FHIT: variants seen among roughly 807,000 people sequenced by gnomAD.
FHIT encodes fragile histidine triad diadenosine triphosphatase.
In FHIT, 19 loss-of-function variants were observed where a neutral mutation model predicts 17.9. That is an observed-to-expected ratio of 1.06 (90% confidence interval 0.74 to 1.56). The LOEUF is 1.56. Ranked by LOEUF, FHIT falls within the 40% of genes most tolerant of loss-of-function variation. FHIT has a pLI of 0.00. For synonymous variants in FHIT, 81 were observed against 69.7 expected (o/e 1.16, Z -0.81); for missense variants, 248 against 189.2 (o/e 1.31, Z -1.82).
chr3:60,691,235 CT>C (rs1244370690), intron 4 of FHIT, among the ~76,000 whole-genome samples: 1 of 152,042 alleles, frequency 6.6e-6, no homozygotes, highest in African/African-American at 2.4e-5. Flanking sequence ...GTGATTCTTA[CT>C]TTGGTTCTGG....
chr3:60,870,030 C>T (rs7653005), intron 3 of FHIT, among the ~76,000 whole-genome samples: 1,563 of 152,152 alleles, frequency 0.01, 24 homozygotes, highest in African/African-American at 0.035. Context: ...ATTGTGGGTA[C>T]CTAGAAATAA....
intron 5 of FHIT, among the ~76,000 whole-genome samples, chr3:60,238,642 C>A (rs1704945673): frequency 6.6e-6 from 1 of 152,014 alleles, no homozygotes; most frequent in Admixed American, 6.5e-5. Context: ...ATAGAATGAT[C>A]GATTCATTTT....
At chr3:60,173,366 G>C (rs914654959) in intron 5 of FHIT, among the ~76,000 whole-genome samples, 1 of 152,130 alleles carries the variant, frequency 6.6e-6, no homozygotes, top group Non-Finnish European at 1.5e-5. Context: ...GCAGTTTTCT[G>C]AGTCAGCCAC....
At chr3:61,205,940 T>C (rs961144984) in intron 1 of FHIT, among the ~76,000 whole-genome samples, 5 of 147,238 alleles carry the variant, frequency 3.4e-5, no homozygotes, top group African/African-American at 1.0e-4. Context: ...TCTAGGGTTT[T>C]TATGGTTTTA....
At chr3:60,455,312 C>G (rs1350280078) in intron 5 of FHIT, among the ~76,000 whole-genome samples, 1 of 152,006 alleles carries the variant, frequency 6.6e-6, no homozygotes, top group Non-Finnish European at 1.5e-5. Context: ...TAACAAGGGC[C>G]CTCATCCATT....
At chr3:60,937,900 C>T (rs11130798) in intron 3 of FHIT, among the ~76,000 whole-genome samples, 2 of 151,748 alleles carry the variant, frequency 1.3e-5, no homozygotes, top group African/African-American at 4.8e-5. Context: ...GCAGGAATCA[C>T]CTGGCTCTAG....
At chr3:60,097,760 A>T (rs564005784) in intron 5 of FHIT, among the ~76,000 whole-genome samples, 50 of 151,246 alleles carry the variant, frequency 3.3e-4, no homozygotes, top group Admixed American at 2.2e-3. Context: ...CATGTGCACA[A>T]TGTGCAGGTT....
At chr3:60,038,156 A>G (rs1173410461) in intron 5 of FHIT, among the ~76,000 whole-genome samples, 2 of 152,156 alleles carry the variant, frequency 1.3e-5, no homozygotes, top group Non-Finnish European at 2.9e-5. Flanking sequence ...TTAAAATTTT[A>G]TGTTCAGTTT....
chr3:61,004,456 G>A (rs990173009), intron 3 of FHIT, among the ~76,000 whole-genome samples: 2 of 152,188 alleles, frequency 1.3e-5, no homozygotes, highest in African/African-American at 4.8e-5. Context: ...TAAAACTTTG[G>A]GTAGTATGTA....
At chr3:60,863,115 C>A (rs936666899) in intron 3 of FHIT, among the ~76,000 whole-genome samples, 7 of 152,032 alleles carry the variant, frequency 4.6e-5, no homozygotes, top group African/African-American at 2.4e-5. Context: ...AGATTCCAAA[C>A]ACAAGAAAGA....
intron 5 of FHIT, among the ~76,000 whole-genome samples, chr3:60,173,909 A>ATTTT (rs1265683403): frequency 4.3e-5 from 3 of 69,758 alleles, no homozygotes; most frequent in Non-Finnish European, 8.0e-5. Flanking sequence ...ATATATATAT[A>ATTTT]TATATATGTT....
At chr3:60,015,031 C>T (rs561126033) in intron 5 of FHIT, among the ~76,000 whole-genome samples, 2 of 151,252 alleles carry the variant, frequency 1.3e-5, no homozygotes, top group East Asian at 3.9e-4. Context: ...TATACACACA[C>T]TATATATATA....
chr3:61,221,909 C>T (rs991272892), intron 1 of FHIT, among the ~76,000 whole-genome samples: 1 of 152,212 alleles, frequency 6.6e-6, no homozygotes, highest in Non-Finnish European at 1.5e-5. Context: ...ATTCCACCTC[C>T]ACCACGTGGC....
intron 5 of FHIT, among the ~76,000 whole-genome samples, chr3:60,484,402 C>T (rs1054369656): frequency 6.6e-6 from 1 of 152,152 alleles, no homozygotes; most frequent in African/African-American, 2.4e-5. Context: ...AGGTATCAGG[C>T]TACCTGGCTT....
intron 8 of FHIT, among the ~76,000 whole-genome samples, chr3:59,911,590 G>C (rs1193797748): frequency 1.3e-5 from 2 of 152,218 alleles, no homozygotes; most frequent in Non-Finnish European, 2.9e-5. Context: ...TCTAGACTAA[G>C]CCTCATATTC....
intron 1 of FHIT, among the ~76,000 whole-genome samples, chr3:61,212,050 G>GA (rs901216417): frequency 1.3e-4 from 20 of 152,142 alleles, no homozygotes; most frequent in Admixed American, 3.9e-4. Flanking sequence ...ACAAAGATGG[G>GA]AAAAAACAGA....
chr3:60,520,500 G>C (rs1182907489), intron 5 of FHIT, among the ~76,000 whole-genome samples: 2 of 152,108 alleles, frequency 1.3e-5, no homozygotes, highest in Non-Finnish European at 2.9e-5. Flanking sequence ...CTAAATAAAA[G>C]AGAAACATCT....
intron 5 of FHIT, among the ~76,000 whole-genome samples, chr3:60,212,639 G>C (rs183146974): frequency 1.3e-5 from 2 of 152,028 alleles, no homozygotes; most frequent in Non-Finnish European, 2.9e-5. Context: ...TAATGAATTA[G>C]TAAGATAAGA....
intron 5 of FHIT, among the ~76,000 whole-genome samples, chr3:60,184,800 T>C (rs1702092372): frequency 6.6e-6 from 1 of 152,228 alleles, no homozygotes; most frequent in Non-Finnish European, 1.5e-5. Context: ...CCTCATTTAT[T>C]TGTTTATTCA....
Sources: allele counts gnomAD v4.1 joint callset (sites outside exome capture counted in the v4.1 genomes callset), GRCh38; gene constraint gnomAD v4.1.1; transcripts MANE v1.5; gene names NCBI Gene and HGNC (gene_info 2026-07-23, HGNC 2026-07-21).